Variants in NCOR2 observed in about 807,000 individuals in gnomAD.
NCOR2 encodes nuclear receptor corepressor 2, also known as CTG repeat protein 26.
Under a neutral mutation model 262.9 loss-of-function variants are expected in NCOR2, and 81 were observed. That is an observed-to-expected ratio of 0.31 (90% CI 0.26 to 0.37). The LOEUF (loss-of-function observed/expected upper bound fraction) is 0.37. Ranked by LOEUF, NCOR2 falls within the 10% of genes least tolerant of loss-of-function variation. NCOR2 has a pLI of 1.00. For missense variants in NCOR2, 3,385 were observed against 3,621.4 expected, an observed-to-expected ratio of 0.93 and a Z score of 1.68; for synonymous variants, 1,659 against 1,559.3, an observed-to-expected ratio of 1.06 and a Z score of -1.51.
intron 16 of NCOR2, among the ~76,000 whole-genome samples, chr12:124,392,911 C>G (rs116737437): frequency 0.018 from 2,701 of 152,336 alleles, 58 homozygotes; most frequent in African/African-American, 0.052. Context: ...GGGGTCTGCC[C>G]GGGCTTACTG....
chr12:124,439,196 GACCC>G (rs2044636678), intron 7 of NCOR2, among the ~76,000 whole-genome samples: 1 of 97,792 alleles, frequency 1.0e-5, no homozygotes, highest in Non-Finnish European at 2.2e-5. Flanking sequence ...GAGAGACGGA[GACCC>G]AGAGACAGAG....
At chr12:124,437,121 AAATGAAATGT>A (rs1227971100) in intron 8 of NCOR2, among the ~76,000 whole-genome samples, 4 of 152,154 alleles carry the variant, frequency 2.6e-5, no homozygotes, top group East Asian at 1.9e-4. Context: ...AAATAAAATG[AAATGAAATGT>A]AATGAAATGA....
At position 124,531,553 on chromosome 12, in the gene NCOR2, A is replaced by G. The variant is rs994976043; in HGVS notation, c.-118+4012T>C. On this transcript the variant is annotated intron_variant, in intron 1 of 46. Coordinates refer to the NCOR2 transcript ENST00000404621. This position sits in a 1 kb window ranked among gnomAD's most constrained non-coding sequence, Gnocchi z 4.5. ...GGGAGGGGAGGAAGGGATTGCAGGG[A>G]GCCCCCGCCCAGGGCTGAGCATCCA... 6.6e-6 allele frequency among the ~76,000 whole-genome samples: 1 copy of G among 152,102 alleles called. No homozygotes were observed. Among genetic ancestry groups the G allele is most frequent in the Admixed American group, 6.5e-5 (1 of 15,276 alleles).
intron 37 of NCOR2, among the ~76,000 whole-genome samples, chr12:124,338,025 A>C (rs961189603): frequency 2.0e-5 from 3 of 152,236 alleles, no homozygotes; most frequent in Non-Finnish European, 4.4e-5. Context: ...GCCAGGGATT[A>C]GTGCTTCATG....
At chr12:124,442,169 G>A (rs879476851) in intron 7 of NCOR2, among the ~76,000 whole-genome samples, 9 of 152,084 alleles carry the variant, frequency 5.9e-5, no homozygotes, top group Non-Finnish European at 1.3e-4. Flanking sequence ...TTAGAGACAG[G>A]GTCTTACTCT....
chr12:124,342,058 C>T (rs767355238), exon 34 of NCOR2: 29 of 1,610,112 alleles, frequency 1.8e-5, no homozygotes, highest in Non-Finnish European at 2.5e-5. Context: ...GGTGTCGGGG[C>T]AGGTAGTAGG....
At chr12:124,398,767 C>T (rs900007868) in intron 15 of NCOR2, among the ~76,000 whole-genome samples, 3 of 152,258 alleles carry the variant, frequency 2.0e-5, no homozygotes, top group African/African-American at 4.8e-5. Context: ...CACTGCCTGG[C>T]GTCCCCTAGT....
intron 13 of NCOR2, among the ~76,000 whole-genome samples, chr12:124,403,199 T>C (rs2042076757): frequency 6.6e-6 from 1 of 152,110 alleles, no homozygotes; most frequent in South Asian, 2.1e-4. Flanking sequence ...GGGATGCCCC[T>C]GATTCCCCAG....
chr12:124,515,646 CAT>C (rs75080867), intron 1 of NCOR2, among the ~76,000 whole-genome samples: 12,262 of 90,906 alleles, frequency 0.13, 508 homozygotes, highest in Non-Finnish European at 0.15. Context: ...TGTGAGTGTG[CAT>C]ATGAGTGTGA....
chr12:124,416,783 A>AC (rs766538368), intron 13 of NCOR2, among the ~76,000 whole-genome samples: 1 of 133,562 alleles, frequency 7.5e-6, no homozygotes, highest in Non-Finnish European at 1.6e-5. Flanking sequence ...GCACAGATAG[A>AC]CCCGTGGCAC....
Position 124,548,401 on chromosome 12 carries a change from A to T in NCOR2, c.-164-12790T>A, listed in dbSNP as rs11616150. ...TGGGATCCCTCTGGCTGCAACTCAG[A>T]GACCAGACAGGTGTGACCAGAGTGG... On this transcript the variant is annotated intron_variant, in intron 1 of 32. Coordinates refer to the NCOR2 transcript ENST00000458234. This position sits in a 1 kb window ranked among gnomAD's most constrained non-coding sequence, Gnocchi z 5.1. 0.1 allele frequency among the ~76,000 whole-genome samples: 15,473 copies of T among 152,076 alleles called. 985 individuals carry two copies. Among genetic ancestry groups the T allele is most frequent in the African/African-American group, 0.19 (7,689 of 41,438 alleles).
intron 14 of NCOR2, among the ~76,000 whole-genome samples, chr12:124,401,252 G>A (rs1431784618): frequency 6.6e-6 from 1 of 151,872 alleles, no homozygotes; most frequent in African/African-American, 2.4e-5. Context: ...GGTGTAACCT[G>A]GGCTATCAAC....
chr12:124,352,915 C>T (rs1301834014), intron 27 of NCOR2, among the ~76,000 whole-genome samples: 1 of 152,198 alleles, frequency 6.6e-6, no homozygotes, highest in East Asian at 1.9e-4. Context: ...CTGGGACTTC[C>T]TTGACCTCCC....
At chr12:124,545,624 A>T (rs11057666) in intron 1 of NCOR2, among the ~76,000 whole-genome samples, 1 of 152,094 alleles carries the variant, frequency 6.6e-6, no homozygotes, top group African/African-American at 2.4e-5. Context: ...AGCTCAGCCC[A>T]GCAGGCGTTC....
intron 8 of NCOR2, 85 bp downstream of exon 10, chr12:124,437,845 A>G (rs1329122454): frequency 6.1e-6 from 8 of 1,309,192 alleles, no homozygotes; most frequent in African/African-American, 1.5e-5. Context: ...CGGAACTGAC[A>G]GGGCCCCGGC....
At chr12:124,439,366 CGG>C (rs368726578) in intron 7 of NCOR2, among the ~76,000 whole-genome samples, 1 of 2,606 alleles carries the variant, frequency 3.8e-4, no homozygotes, top group Non-Finnish European at 7.3e-4. Flanking sequence ...GACAGAGACC[CGG>C]AGACAGAGGG....
At chr12:124,438,185 C>T (rs1013469599) in intron 7 of NCOR2, among the ~76,000 whole-genome samples, 189 bp from the exon 10 acceptor site, 3 of 152,108 alleles carry the variant, frequency 2.0e-5, no homozygotes, top group Admixed American at 6.5e-5. Flanking sequence ...CTCCCCCGCG[C>T]GCGAGGCAGC....
chr12:124,382,342 T>C (rs2040471455), intron 17 of NCOR2, among the ~76,000 whole-genome samples: 1 of 152,150 alleles, frequency 6.6e-6, no homozygotes, highest in South Asian at 2.1e-4. Flanking sequence ...TGCTCCGCTT[T>C]CTCTGCAGCC....
At chr12:124,518,262 C>G (rs1593941401) in intron 1 of NCOR2, 2 of 152,426 alleles carry the variant, frequency 1.3e-5, no homozygotes, top group Non-Finnish European at 2.9e-5. Flanking sequence ...TCCACACACA[C>G]AGGCTGTGCT....
Sources: allele counts gnomAD v4.1 joint callset (sites outside exome capture counted in the v4.1 genomes callset), GRCh38; gene constraint gnomAD v4.1.1; non-coding constraint Gnocchi (gnomAD v3.1); transcripts MANE v1.5; gene names NCBI Gene and HGNC (gene_info 2026-07-23, HGNC 2026-07-21).